The following AURKB variants were observed in gnomAD, a reference collection of about 807,000 sequenced individuals.
The protein encoded by AURKB is aurora kinase B, also known as aurora kinase B-Sv1.
A neutral mutation model predicts 36.5 loss-of-function variants in AURKB; 28 were observed. That is an observed-to-expected ratio of 0.77 (90% CI 0.57 to 1.05). The LOEUF is 1.05. Among genes scored for constraint, AURKB ranks in the 50% least tolerant of loss-of-function variants. The pLI is 0.00. For missense variants in AURKB, 383 were observed against 447.4 expected (o/e 0.86, Z 1.30); for synonymous variants, 175 against 172.9 (o/e 1.01, Z -0.09).
rs1270687637 is a variant in AURKB at position 8,206,858 on chromosome 17, A to G, written c.429T>C (p.Tyr143=). Residue 143 remains tyrosine, a synonymous_variant, in exon 6 of 9, where the codon TAT becomes TAC. Transcript: ENST00000585124. This position sits in a 1 kb window ranked among gnomAD's most constrained non-coding sequence, Gnocchi z 4.2. Reference sequence around the variant, plus strand: ...AGTAGATCCTCCTCCGGTCATAAAAATAGTTGTAGAGACGCAGGATGTTGG... The same window carrying G: ...AGTAGATCCTCCTCCGGTCATAAAAGTAGTTGTAGAGACGCAGGATGTTGG... ...HHPNILRLYN[Y]FYDRRRIYLI... 1.9e-6 allele frequency: 3 copies of G among 1,614,236 alleles called. No individual in the cohort carries two copies. In the East Asian group the frequency reaches 6.7e-5, roughly 36 times the overall value.
Position 8,207,247 on chromosome 17 carries a change from G to A in AURKB, c.327C>T (p.Phe109=), listed in dbSNP as rs1261639410. The A allele has an allele frequency of 1.2e-6, 2 of 1,614,178 alleles. No individual in the cohort carries two copies. Among genetic ancestry groups the A allele is most frequent in the Admixed American group, 3.3e-5 (2 of 60,016 alleles). Residue 109 remains phenylalanine, a synonymous_variant, in exon 5 of 9, where the codon TTC becomes TTT. Transcript: ENST00000585124. The stretch of plus-strand genomic sequence containing the variant: ...CGCCCTCCTTCTCTATCTGGGACTT[G>A]AAGAGGACCTTGAGCGCCACGATGA... ...SHFIVALKVL[F]KSQIEKEGVE...
intron 2 of AURKB, among the ~76,000 whole-genome samples, chr17:8,209,249 G>T (rs1420988847): frequency 6.6e-6 from 1 of 152,196 alleles, no homozygotes; most frequent in South Asian, 2.1e-4. Context: ...CTGACCTCAG[G>T]TGATCCACCT....
intron 2 of AURKB, 58 bp from the exon 3 acceptor site, chr17:8,207,898 T>C (rs1985577708): frequency 1.3e-5 from 18 of 1,411,302 alleles, no homozygotes; most frequent in Non-Finnish European, 1.6e-5. Context: ...CGGGGTGGAA[T>C]GTGCTGCAAG....
rs1254698885 is a variant in AURKB at position 8,210,240 on chromosome 17, G to A, written c.-16C>T. The A allele has an allele frequency of 1.3e-6, 2 of 1,595,630 alleles. No homozygotes were observed. Among genetic ancestry groups the A allele is most frequent in the East Asian group, 2.2e-5 (1 of 44,490 alleles). On this transcript the variant is annotated 5_prime_UTR_variant, in exon 2 of 9. Transcript: ENST00000585124. ...TCTGGGCCATCCTTAGAGAGAAAGG[G>A]GGAGGAGAGCTGGGCGGAGAAGGGA...
chr17:8,204,738 T>A lies in AURKB; in HGVS notation c.*133A>T, dbSNP rs911997528. 1 of 1,241,300 alleles carries A rather than the reference T, an allele frequency of 8.1e-7. No homozygotes were observed. The highest frequency in any genetic ancestry group is 2.4e-5 in the Admixed American group (1 of 41,034). The allele number at this position is 1,241,300 out of a possible 1,614,324, so 76.9% of individuals were successfully genotyped here. A position where few individuals can be genotyped will look rare whatever the true frequency, so the allele number is the denominator to read the frequency against. On this transcript the variant is annotated 3_prime_UTR_variant, in exon 9 of 9. Transcript: ENST00000585124. ...ACCTAGAAACATCTACACTCATGAG[T>A]ACAAAAAGCTTCAGCCTTTATTAAA...
intron 2 of AURKB, among the ~76,000 whole-genome samples, chr17:8,209,204 G>A (rs999485280): frequency 4.6e-5 from 7 of 152,124 alleles, no homozygotes; most frequent in Non-Finnish European, 8.8e-5. Context: ...GTAGAGACGG[G>A]GTTTTACCAT....
intron 5 of AURKB, 100 bp downstream of exon 5, chr17:8,207,076 C>T (rs1985413595): frequency 6.8e-7 from 1 of 1,467,580 alleles, no homozygotes; most frequent in African/African-American, 1.4e-5. Context: ...GGCTCACTAG[C>T]CATAGCTACA....
At chr17:8,205,544 A>T (rs909565688) in intron 7 of AURKB, among the ~76,000 whole-genome samples, 154 bp from the exon 8 acceptor site, 1 of 152,050 alleles carries the variant, frequency 6.6e-6, no homozygotes, top group South Asian at 2.1e-4. Context: ...GGTTGGGGTG[A>T]TGATATATCC....
rs2151471102 is a variant in AURKB at position 8,206,729 on chromosome 17, C to T, written c.537+21G>A. 1.2e-6 allele frequency: 2 copies of T among 1,612,728 alleles called. No individual in the cohort carries two copies. Among genetic ancestry groups the T allele is most frequent in the Non-Finnish European group, 1.7e-6 (2 of 1,179,008 alleles). ...AGCCTCGAGCCCCCTACTGGCGCCC[C>T]AGGTGCCCACCCGCCCGGACCGTGG... On this transcript the variant is annotated intron_variant, in intron 6 of 8. Transcript: ENST00000585124. The surrounding 1 kb of genome is among the most constrained non-coding windows in gnomAD (Gnocchi z 4.2).
chr17:8,207,807 C>A lies in AURKB; in HGVS notation c.82G>T (p.Val28Phe). The A allele has an allele frequency of 6.2e-7, 1 of 1,613,990 alleles. No homozygotes were observed. Among genetic ancestry groups the A allele is most frequent in the South Asian group, 1.1e-5 (1 of 91,038 alleles). ...PSGLSTLPQR[V>F]LRKEPVTPSA... is the part of the protein sequence containing the mutation. Reference sequence around the variant, plus strand: ...GGGGTGACAGGCTCTTTCCGGAGGACTCGCTGGGGCAGGGTGCTCAGGCCA... The same window carrying A: ...GGGGTGACAGGCTCTTTCCGGAGGAATCGCTGGGGCAGGGTGCTCAGGCCA... The change falls in exon 3 of 9, where the codon GTC (valine) becomes TTC (phenylalanine). Residue 28 changes from valine to phenylalanine, a missense_variant. This residue lies in a region of AURKB where 105 missense variants were observed against 95.7 expected (regional missense o/e 1.10). Transcript: ENST00000585124.
At position 8,207,576 on chromosome 17, in the gene AURKB, G is replaced by T; in HGVS notation, c.201C>A (p.Ile67=). The T allele has an allele frequency of 6.2e-7, 1 of 1,613,504 alleles. No individual in the cohort carries two copies. The highest frequency in any genetic ancestry group is 8.5e-7 in the Non-Finnish European group (1 of 1,179,584). ...VMENSSGTPD[I]LTRHFTIDDF... is the part of the protein sequence containing the mutation. Reference sequence around the variant, plus strand: ...CCCAGGCTTGGGGCACTTACGTTAAGATGTCGGGTGTCCCACTGCTATTCT... The same window carrying T: ...CCCAGGCTTGGGGCACTTACGTTAATATGTCGGGTGTCCCACTGCTATTCT... Residue 67 remains isoleucine, a synonymous_variant, in exon 4 of 9, where the codon ATC becomes ATA. Coordinates refer to ENST00000585124, the MANE Select transcript of AURKB (RefSeq NM_004217.4).
rs866443565 is a variant in AURKB at position 8,205,226 on chromosome 17, C to A, written c.851G>T (p.Arg284Leu). ...AGGCCGCCCTCCCACCTTGACGATG[C>A]GGCGATAGGTCTCGTTGTGTGATGC... ...ESASHNETYR[R>L]IVKVDLKFPA... The change falls in exon 8 of 9, where the codon CGC (arginine) becomes CTC (leucine). Residue 284 changes from arginine to leucine, a missense_variant. Arg to Leu is a moderately radical substitution (Grantham distance 102). Transcript: ENST00000585124. 1 of 1,611,968 alleles carries A rather than the reference C, an allele frequency of 6.2e-7. No homozygotes were observed. Among genetic ancestry groups the A allele is most frequent in the Non-Finnish European group, 8.5e-7 (1 of 1,178,660 alleles).
intron 7 of AURKB, 102 bp from the exon 8 acceptor site, chr17:8,205,492 G>A (rs1985131079): frequency 8.9e-6 from 13 of 1,454,284 alleles, no homozygotes; most frequent in Non-Finnish European, 1.1e-5. Context: ...GGATGTACCA[G>A]GGGAGAGGTC....
intron 2 of AURKB, among the ~76,000 whole-genome samples, chr17:8,208,514 C>T (rs574048959): frequency 1.8e-3 from 274 of 151,848 alleles, no homozygotes; most frequent in African/African-American, 6.3e-3. Context: ...TCGCTTGAAC[C>T]TGGGCGGCAG....
In AURKB at chr17:8,206,538, C is replaced by T. The variant is rs1985306422; in HGVS notation, c.639G>A (p.Glu213=). ...PENLLLGLKG[E]LKIADFGWSV... Reference sequence around the variant, plus strand: ...ACCAGCCGAAGTCAGCAATCTTCAGCTCTCCCTTGAGCCCTAAGAGCAGAT... The same window carrying T: ...ACCAGCCGAAGTCAGCAATCTTCAGTTCTCCCTTGAGCCCTAAGAGCAGAT... Residue 213 remains glutamate, a synonymous_variant, in exon 7 of 9, where the codon GAG becomes GAA. Transcript: ENST00000585124. This position sits in a 1 kb window ranked among gnomAD's most constrained non-coding sequence, Gnocchi z 4.2. 2 of 1,614,210 alleles carry T rather than the reference C, an allele frequency of 1.2e-6. No individual in the cohort carries two copies. Among genetic ancestry groups the T allele is most frequent in the Non-Finnish European group, 1.7e-6 (2 of 1,180,028 alleles).
chr17:8,205,468 G>A (rs2151467303), intron 7 of AURKB, 78 bp from the exon 8 acceptor site: 2 of 1,532,686 alleles, frequency 1.3e-6, no homozygotes, highest in South Asian at 1.2e-5. Context: ...ACGGCTGGGA[G>A]CCAAAAGACC....
chr17:8,207,738 C>T lies in AURKB; in HGVS notation c.151G>A (p.Ala51Thr), dbSNP rs548042738. The change falls in exon 3 of 9, where the codon GCT (alanine) becomes ACT (threonine). Residue 51 changes from alanine (A) to threonine (T), a missense_variant and splice_region_variant. Coordinates refer to ENST00000585124, the MANE Select transcript of AURKB (RefSeq NM_004217.4). ...GTCCTCTCCCCCTTGCGCCAGTTAC[C>T]TGTGGGCTGGACATTGGAGCGGCTC... is the stretch of plus-strand genomic sequence containing the variant. ...LMSRSNVQPTAAPGQKVMENS... is the reference protein window; with the variant it reads ...LMSRSNVQPTTAPGQKVMENS... 187 of 1,614,038 alleles carry T rather than the reference C, an allele frequency of 1.2e-4. No homozygotes were observed. Among genetic ancestry groups the T allele is most frequent in the Non-Finnish European group, 1.6e-4 (183 of 1,180,004 alleles).
Position 8,207,640 on chromosome 17 carries a change from G to C in AURKB, c.152-15C>G, listed in dbSNP as rs200438314. The C allele has an allele frequency of 6.2e-7, 1 of 1,613,980 alleles. No homozygotes were observed. The highest frequency in any genetic ancestry group is 8.5e-7 in the Non-Finnish European group (1 of 1,179,886). On this transcript the variant is annotated splice_polypyrimidine_tract_variant and intron_variant, in intron 3 of 8. Transcript: ENST00000585124. Reference sequence around the variant, plus strand: ...GCCAGGGGCAGCTAAGGAGAGAACAGGTAGGTTGAATGCGAACAGGGATGA... The same window carrying C: ...GCCAGGGGCAGCTAAGGAGAGAACACGTAGGTTGAATGCGAACAGGGATGA...
intron 1 of AURKB, 54 bp downstream of exon 1, chr17:8,210,476 A>G: frequency 1.9e-6 from 1 of 530,648 alleles, no homozygotes; most frequent in South Asian, 2.4e-5. Context: ...CCTCTGATCT[A>G]CCTGATCATC....
Sources: allele counts gnomAD v4.1 joint callset (sites outside exome capture counted in the v4.1 genomes callset), GRCh38; gene constraint gnomAD v4.1.1; regional missense constraint gnomAD v4.1.1; non-coding constraint Gnocchi (gnomAD v3.1); transcripts MANE v1.5; gene names NCBI Gene and HGNC (gene_info 2026-07-23, HGNC 2026-07-21).